KIAA1671: variants seen among roughly 807,000 people sequenced by gnomAD.
KIAA1671 encodes KIAA1671, also known as uncharacterized protein KIAA1671.
In KIAA1671, 52 loss-of-function variants were observed where a neutral mutation model predicts 131.2. That is an observed-to-expected ratio of 0.40 (90% CI 0.32 to 0.50). The LOEUF is 0.50. KIAA1671 is among the 20% of genes least tolerant of loss of function. The probability of loss-of-function intolerance (pLI) is 0.73; values close to 1 mark genes in which losing one functional copy is unlikely to be tolerated. For missense variants in KIAA1671, 2,360 were observed against 2,364.2 expected (o/e 1.00, Z 0.04); for synonymous variants, 1,003 against 961.6 (o/e 1.04, Z -0.80).
At chr22:25,033,027 C>T (rs1926377933) in intron 4 of KIAA1671, among the ~76,000 whole-genome samples, 1 of 152,092 alleles carries the variant, frequency 6.6e-6, no homozygotes, top group African/African-American at 2.4e-5. Flanking sequence ...ATAGAAACTC[C>T]TTCAAGGTCC....
At chr22:25,093,728 CACACACA>C (rs1930152791) in intron 6 of KIAA1671, among the ~76,000 whole-genome samples, 1 of 124,726 alleles carries the variant, frequency 8.0e-6, no homozygotes, top group Non-Finnish European at 1.6e-5. Context: ...CACACACACA[CACACACA>C]CACTCTCTCT....
At chr22:25,069,395 T>C (rs1249787734) in intron 6 of KIAA1671, among the ~76,000 whole-genome samples, 1 of 152,202 alleles carries the variant, frequency 6.6e-6, no homozygotes, top group Non-Finnish European at 1.5e-5. Flanking sequence ...TGTGCTTTTA[T>C]TGCATTTTAA....
intron 6 of KIAA1671, among the ~76,000 whole-genome samples, chr22:25,090,622 G>A (rs888342262): frequency 6.6e-6 from 1 of 152,260 alleles, no homozygotes; most frequent in Non-Finnish European, 1.5e-5. Context: ...CCTCTGTAAG[G>A]CAAGAAGAAT....
Position 24,964,046 on chromosome 22 carries a change from G to A in KIAA1671, c.-208+11274G>A, listed in dbSNP as rs116353329. 6.7e-4 allele frequency among the ~76,000 whole-genome samples: 101 copies of A among 151,048 alleles called. 1 individual carries two copies. In the East Asian group the frequency reaches 0.017, roughly 25 times the overall value. ...TGTTATCTGTAGTAAAACAAAAATA[G>A]GGCTGGACACGGTGGCTCACATCTG... On this transcript the variant is annotated intron_variant, in intron 1 of 12. Transcript: ENST00000358431.
At chr22:25,048,708 G>A (rs1277876285) in intron 5 of KIAA1671, among the ~76,000 whole-genome samples, 1 of 152,146 alleles carries the variant, frequency 6.6e-6, no homozygotes, top group Non-Finnish European at 1.5e-5. Context: ...TTCATGCACC[G>A]TTTCTCTGTG....
intron 1 of KIAA1671, among the ~76,000 whole-genome samples, chr22:24,971,322 G>A (rs1337707424): frequency 6.6e-6 from 1 of 152,214 alleles, no homozygotes; most frequent in Non-Finnish European, 1.5e-5. Flanking sequence ...ATGAAGGACA[G>A]CCATAGTGGT....
Position 25,073,347 on chromosome 22 carries a change from C to T in KIAA1671, c.4530+23983C>T, listed in dbSNP as rs149708964. ...CCTCCCAAAGTGCTGGGACTACAGG[C>T]GTGAGCCACCATACCCAGCCTGCAA... On this transcript the variant is annotated intron_variant, in intron 6 of 12. Transcript: ENST00000358431. Among the ~76,000 whole-genome samples the T allele has an allele frequency of 2.6e-3, 389 of 152,248 alleles. 3 individuals are homozygous for T. Among genetic ancestry groups the T allele is most frequent in the African/African-American group, 8.2e-3 (341 of 41,556 alleles).
At chr22:25,076,719 T>C (rs1157754558) in intron 6 of KIAA1671, among the ~76,000 whole-genome samples, 1 of 152,254 alleles carries the variant, frequency 6.6e-6, no homozygotes, top group Admixed American at 6.5e-5. Context: ...AGCTGCTCTC[T>C]TGGGGTTATC....
intron 6 of KIAA1671, chr22:25,112,191 G>T: frequency 2.5e-6 from 1 of 399,016 alleles, no homozygotes; most frequent in South Asian, 1.3e-4. Flanking sequence ...GATTACCTGG[G>T]AGATAAACTC....
intron 4 of KIAA1671, among the ~76,000 whole-genome samples, chr22:25,034,146 A>G (rs1265204043): frequency 6.6e-6 from 1 of 151,704 alleles, no homozygotes; most frequent in Admixed American, 6.6e-5. Flanking sequence ...CCCAGGTTCA[A>G]GTGATTCTCC....
intron 1 of KIAA1671, among the ~76,000 whole-genome samples, chr22:25,002,389 G>A (rs1284275852): frequency 6.6e-6 from 1 of 152,116 alleles, no homozygotes; most frequent in African/African-American, 2.4e-5. Context: ...GGGAAGGCAG[G>A]AAGCTATATA....
At chr22:24,988,998 C>T (rs1394534518) in intron 1 of KIAA1671, among the ~76,000 whole-genome samples, 1 of 152,216 alleles carries the variant, frequency 6.6e-6, no homozygotes, top group Non-Finnish European at 1.5e-5. Flanking sequence ...AGGTCTCTGA[C>T]TCCCTGTACT....
chr22:25,123,965 T>C (rs962348693), intron 6 of KIAA1671, among the ~76,000 whole-genome samples: 1 of 152,232 alleles, frequency 6.6e-6, no homozygotes, highest in African/African-American at 2.4e-5. Flanking sequence ...GTCTTGCAGA[T>C]GAGTAAATTG....
intron 6 of KIAA1671, among the ~76,000 whole-genome samples, chr22:25,080,677 G>A (rs1929355584): frequency 1.3e-5 from 2 of 152,162 alleles, no homozygotes; most frequent in South Asian, 4.1e-4. Context: ...GCTTCCCAAA[G>A]CACTGGGATT....
Position 25,060,813 on chromosome 22 carries a change from G to T in KIAA1671, c.4530+11449G>T, listed in dbSNP as rs535109207. 4 of 139,856 alleles carry T rather than the reference G, an allele frequency of 2.9e-5. No individual in the cohort carries two copies. The South Asian group carries it at 6.8e-4, about 24-fold the overall frequency. 8.7% of individuals were successfully genotyped at this position (139,856 alleles called of 1,614,324 possible). A position where few individuals can be genotyped will look rare whatever the true frequency, so the allele number is the denominator to read the frequency against. ...GACCACAAGAGGGTAGGATGGAGAC[G>T]GTCTATTTTCCACATTTCGTTAATT... On this transcript the variant is annotated intron_variant, in intron 6 of 12. Transcript: ENST00000358431.
At chr22:24,978,293 G>A (rs887630163) in intron 1 of KIAA1671, among the ~76,000 whole-genome samples, 2 of 152,136 alleles carry the variant, frequency 1.3e-5, no homozygotes, top group Admixed American at 1.3e-4. Flanking sequence ...AGGTGTTTCT[G>A]CTTTTGCCTC....
At chr22:25,013,545 T>G (rs1194110229) in intron 1 of KIAA1671, 1 of 152,248 alleles carries the variant, frequency 6.6e-6, no homozygotes, top group Non-Finnish European at 1.5e-5. Context: ...AGGGAATTAT[T>G]TCTTTATATT....
chr22:25,164,894 G>T (rs1933585314), intron 6 of KIAA1671, among the ~76,000 whole-genome samples: 1 of 151,140 alleles, frequency 6.6e-6, no homozygotes, highest in South Asian at 2.1e-4. Flanking sequence ...CTTGCAGTGA[G>T]CCGAGATTGT....
intron 6 of KIAA1671, among the ~76,000 whole-genome samples, chr22:25,128,578 A>G (rs1388913267): frequency 6.6e-6 from 1 of 152,146 alleles, no homozygotes; most frequent in African/African-American, 2.4e-5. Context: ...CAAGAACTCA[A>G]TGGTCAGTCC....
Sources: allele counts gnomAD v4.1 joint callset (sites outside exome capture counted in the v4.1 genomes callset), GRCh38; gene constraint gnomAD v4.1.1; transcripts MANE v1.5; gene names NCBI Gene and HGNC (gene_info 2026-07-23, HGNC 2026-07-21).